Variants in LRP1B observed in about 807,000 individuals in gnomAD.
The protein encoded by LRP1B is low-density lipoprotein receptor-related protein 1B.
Under a neutral mutation model 556.6 loss-of-function variants are expected in LRP1B, and 217 were observed. The observed-to-expected ratio is 0.39, with a 90% CI of 0.35 to 0.44. The LOEUF (loss-of-function observed/expected upper bound fraction) is 0.44. Among genes scored for constraint, LRP1B ranks in the 20% least tolerant of loss-of-function variants. The pLI, the probability that LRP1B is intolerant of heterozygous loss-of-function variation, is 1.00. For synonymous variants in LRP1B, 2,047 were observed against 1,865.8 expected (o/e 1.10, Z -2.50); for missense variants, 5,053 against 5,620.8 (o/e 0.90, Z 3.23).
chr2:140,845,054 A>T (rs986725042), intron 29 of LRP1B, among the ~76,000 whole-genome samples: 15 of 152,216 alleles, frequency 9.9e-5, no homozygotes, highest in African/African-American at 3.6e-4. Context: ...GAGAGAAAAA[A>T]GATACCTGCT....
intron 7 of LRP1B, among the ~76,000 whole-genome samples, chr2:141,175,024 G>T (rs1490470332): frequency 6.6e-6 from 1 of 152,090 alleles, no homozygotes; most frequent in Non-Finnish European, 1.5e-5. Flanking sequence ...GAGATTTGTG[G>T]AACTTTAAAC....
chr2:141,524,823 C>T (rs943722233), intron 2 of LRP1B, among the ~76,000 whole-genome samples: 1 of 149,822 alleles, frequency 6.7e-6, no homozygotes, highest in African/African-American at 2.5e-5. Flanking sequence ...GACAGAAAGG[C>T]AGAAATTATG....
chr2:141,958,647 T>C (rs16847729), intron 1 of LRP1B, among the ~76,000 whole-genome samples: 33,828 of 151,862 alleles, frequency 0.22, 4,384 homozygotes, highest in East Asian at 0.3. Flanking sequence ...ATGAGTTCTG[T>C]TTGTCGTCTG....
chr2:141,724,349 A>G (rs1692950247), intron 2 of LRP1B, among the ~76,000 whole-genome samples: 1 of 151,960 alleles, frequency 6.6e-6, no homozygotes, highest in Non-Finnish European at 1.5e-5. Flanking sequence ...TCCTACCACC[A>G]TGTAGCTGCT....
intron 3 of LRP1B, among the ~76,000 whole-genome samples, chr2:141,324,705 G>A (rs1687373903): frequency 6.6e-6 from 1 of 151,998 alleles, no homozygotes; most frequent in Admixed American, 6.6e-5. Context: ...GATTTTTGAG[G>A]ATATCTTACT....
At chr2:140,648,656 A>G (rs1373560707) in intron 41 of LRP1B, among the ~76,000 whole-genome samples, 1 of 152,168 alleles carries the variant, frequency 6.6e-6, no homozygotes, top group East Asian at 1.9e-4. Flanking sequence ...CTTTCCAGGT[A>G]CAGGAAATGA....
Position 141,581,780 on chromosome 2 carries a change from T to C in LRP1B, c.206-101247A>G, listed in dbSNP as rs563771807. ...GTTTTTCCCTTTCCTTTGTCATTCA[T>C]TACATTCCAAACATTTGTGTCCTAC... On this transcript the variant is annotated intron_variant, in intron 2 of 90. Transcript: ENST00000389484. 2.0e-5 allele frequency among the ~76,000 whole-genome samples: 3 copies of C among 152,342 alleles called. No homozygotes were observed. In the East Asian group the frequency reaches 5.8e-4, roughly 29 times the overall value.
chr2:140,902,985 G>A lies in LRP1B; in HGVS notation c.3701C>T (p.Thr1234Ile), dbSNP rs2105222740. 3.1e-6 allele frequency: 5 copies of A among 1,613,590 alleles called. No homozygotes were observed. Among genetic ancestry groups the A allele is most frequent in the Non-Finnish European group, 4.2e-6 (5 of 1,179,654 alleles). The change falls in exon 23 of 91, where the codon ACA becomes ATA. Residue 1234 changes from threonine (T) to isoleucine (I), a missense_variant. By Grantham distance (89) the Thr-to-Ile change is moderately conservative. Transcript: ENST00000389484. ...ACCTTCATAACATGAGCACTTGACT[G>A]TGTGCTTGTGCTGCTCACATACTTG... ...CSQVCEQHKH[T>I]VKCSCYEGWK...
chr2:140,700,308 G>A lies in LRP1B; in HGVS notation c.6741C>T (p.His2247=), dbSNP rs1210007210. 4.3e-6 allele frequency: 7 copies of A among 1,612,396 alleles called. No homozygotes were observed. The highest frequency in any genetic ancestry group is 5.9e-6 in the Non-Finnish European group (7 of 1,178,968). ...GTNRIFYSDA[H]FGNIQLIKDN... is the part of the protein sequence containing the mutation. Reference sequence around the variant, plus strand: ...CTTTAATAAGCTGTATATTTCCAAAGTGTGCATCACTGTAAAAGATTCGGT... The same window carrying A: ...CTTTAATAAGCTGTATATTTCCAAAATGTGCATCACTGTAAAAGATTCGGT... The change falls in exon 41 of 91, where the codon CAC becomes CAT. Residue 2247 remains histidine (H), a synonymous_variant. Transcript: ENST00000389484.
At chr2:141,259,956 A>G (rs1322613491) in intron 3 of LRP1B, among the ~76,000 whole-genome samples, 3 of 152,268 alleles carry the variant, frequency 2.0e-5, no homozygotes, top group East Asian at 1.9e-4. Flanking sequence ...CAGAATTTCT[A>G]TTGTTATCCT....
intron 25 of LRP1B, among the ~76,000 whole-genome samples, chr2:140,877,958 A>G (rs963308924): frequency 1.3e-5 from 2 of 152,206 alleles, no homozygotes; most frequent in African/African-American, 4.8e-5. Context: ...AGACAGCTTT[A>G]GTTCTATGTA....
In LRP1B at chr2:141,635,840, G is replaced by T. The variant is rs1689093258; in HGVS notation, c.206-155307C>A. Among the ~76,000 whole-genome samples the T allele has an allele frequency of 3.9e-5, 6 of 152,128 alleles. No individual in the cohort carries two copies. In the South Asian group the frequency reaches 1.2e-3, roughly 31 times the overall value. On this transcript the variant is annotated intron_variant, in intron 2 of 90. Transcript: ENST00000389484. ...TATGTATAATAACAAACTCAGAAGTGAATGACTGAACAGAGGAAAATGAGT... is the reference window on the plus strand; with the variant it reads ...TATGTATAATAACAAACTCAGAAGTTAATGACTGAACAGAGGAAAATGAGT...
intron 7 of LRP1B, among the ~76,000 whole-genome samples, chr2:141,076,506 C>A (rs1050534877): frequency 1.3e-5 from 2 of 152,118 alleles, no homozygotes; most frequent in Non-Finnish European, 2.9e-5. Flanking sequence ...CCTATAATCA[C>A]TGTGGTGGGA....
At chr2:140,511,091 T>C (rs1229869454) in intron 51 of LRP1B, among the ~76,000 whole-genome samples, 5 of 152,072 alleles carry the variant, frequency 3.3e-5, no homozygotes, top group African/African-American at 7.2e-5. Context: ...AATAGTATAT[T>C]ATCTCCAGGA....
At chr2:141,766,194 CT>C (rs1694727757) in intron 2 of LRP1B, among the ~76,000 whole-genome samples, 1 of 152,066 alleles carries the variant, frequency 6.6e-6, no homozygotes, top group Admixed American at 6.5e-5. Flanking sequence ...TTTCAGGCAG[CT>C]TAAACATGGT....
chr2:140,525,719 T>C, intron 49 of LRP1B, 125 bp downstream of exon 49: 1 of 791,636 alleles, frequency 1.3e-6, no homozygotes, highest in South Asian at 2.0e-5. Flanking sequence ...TTTCAGTCTG[T>C]GCCATTTAAA....
intron 77 of LRP1B, among the ~76,000 whole-genome samples, chr2:140,347,161 A>G (rs2105108504): frequency 6.6e-6 from 1 of 152,024 alleles, no homozygotes; most frequent in South Asian, 2.1e-4. Flanking sequence ...AAATTGCCCA[A>G]GAGCATGTAC....
At chr2:140,744,732 T>C (rs1342724942) in intron 35 of LRP1B, among the ~76,000 whole-genome samples, 1 of 152,210 alleles carries the variant, frequency 6.6e-6, no homozygotes, top group Non-Finnish European at 1.5e-5. Context: ...CACTCTGTAA[T>C]GTGTTTTCCT....
intron 6 of LRP1B, among the ~76,000 whole-genome samples, chr2:141,216,318 G>A (rs894602590): frequency 6.6e-6 from 1 of 152,246 alleles, no homozygotes; most frequent in African/African-American, 2.4e-5. Flanking sequence ...CTTGCAGAGA[G>A]TATAAGAGTG....
Sources: gnomAD v4.1 joint callset for allele counts (sites outside exome capture counted in the v4.1 genomes callset) on GRCh38, gnomAD v4.1.1 for gene constraint, MANE v1.5 for transcripts, NCBI Gene and HGNC (gene_info 2026-07-23, HGNC 2026-07-21) for gene names.